MAML2: variants seen among roughly 807,000 people sequenced by gnomAD.
MAML2 encodes the protein mastermind like transcriptional coactivator 2.
MAML2 carries 22 observed loss-of-function variants against 96.1 expected under a neutral mutation model. The ratio of observed to expected loss-of-function variants is 0.23; its 90% CI spans 0.16 to 0.33. MAML2 has a LOEUF of 0.33. Among genes scored for constraint, MAML2 ranks in the 10% least tolerant of loss-of-function variants. The pLI is 1.00. For missense variants in MAML2, 1,367 were observed against 1,392.4 expected, an observed-to-expected ratio of 0.98 and a Z score of 0.29; for synonymous variants, 561 against 521.3, an observed-to-expected ratio of 1.08 and a Z score of -1.04.
intron 1 of MAML2, among the ~76,000 whole-genome samples, chr11:96,182,957 C>CTTTTT (rs11301035): frequency 1.5e-4 from 16 of 108,254 alleles, no homozygotes; most frequent in South Asian, 3.2e-4. Flanking sequence ...CCTTTCTTTT[C>CTTTTT]TTTTTTTTTT....
intron 1 of MAML2, among the ~76,000 whole-genome samples, chr11:96,334,740 G>A (rs1274730710): frequency 2.6e-5 from 4 of 152,186 alleles, no homozygotes; most frequent in African/African-American, 4.8e-5. Context: ...CTCTAAAAAG[G>A]ACCCATGCAT....
At chr11:96,284,312 A>G (rs1203691821) in intron 1 of MAML2, among the ~76,000 whole-genome samples, 1 of 152,196 alleles carries the variant, frequency 6.6e-6, no homozygotes, top group East Asian at 1.9e-4. Context: ...CATATTTTCA[A>G]CCACCCAATA....
chr11:96,087,978 T>C (rs76620742), intron 2 of MAML2, among the ~76,000 whole-genome samples: 3,858 of 152,338 alleles, frequency 0.025, 175 homozygotes, highest in African/African-American at 0.086. Flanking sequence ...GAAAGTTACA[T>C]TGATTTCCCC....
At chr11:96,183,287 A>G (rs1235206080) in intron 1 of MAML2, among the ~76,000 whole-genome samples, 1 of 151,572 alleles carries the variant, frequency 6.6e-6, no homozygotes, top group Non-Finnish European at 1.5e-5. Context: ...CATGTTCTAT[A>G]TTCAGCATAT....
intron 3 of MAML2, among the ~76,000 whole-genome samples, chr11:95,989,891 T>C (rs1857884393): frequency 6.6e-6 from 1 of 152,334 alleles, no homozygotes; most frequent in South Asian, 2.1e-4. Context: ...CCTTTAAAAG[T>C]GTGGTTGTTA....
rs575525169 is a variant in MAML2, at chr11:96,174,427, G to A, written c.514-80910C>T. 1.8e-4 allele frequency among the ~76,000 whole-genome samples: 28 copies of A among 152,028 alleles called. No homozygotes were observed. The South Asian group carries it at 2.9e-3, about 16-fold the overall frequency. Reference sequence around the variant, plus strand: ...GAGATGGAGTATTGCTCTGTCTCCCGGGCTCGAGTGCAATGGCACAGTCTC... The same window carrying A: ...GAGATGGAGTATTGCTCTGTCTCCCAGGCTCGAGTGCAATGGCACAGTCTC... On this transcript the variant is annotated intron_variant, in intron 1 of 4. Coordinates refer to ENST00000524717, the MANE Select transcript of MAML2 (RefSeq NM_032427.4).
intron 1 of MAML2, among the ~76,000 whole-genome samples, chr11:96,305,908 C>G (rs546892106): frequency 8.0e-4 from 122 of 152,214 alleles, no homozygotes; most frequent in Non-Finnish European, 1.3e-3. Flanking sequence ...TATAAACATT[C>G]TGAAAAGTGT....
At chr11:96,071,489 A>G (rs1160792060) in intron 2 of MAML2, among the ~76,000 whole-genome samples, 4 of 152,258 alleles carry the variant, frequency 2.6e-5, no homozygotes, top group Non-Finnish European at 5.9e-5. Context: ...GGCAGCTGCT[A>G]GTATTCAGCA....
At chr11:96,046,055 T>C (rs1858895871) in intron 2 of MAML2, among the ~76,000 whole-genome samples, 2 of 152,186 alleles carry the variant, frequency 1.3e-5, no homozygotes, top group African/African-American at 4.8e-5. Flanking sequence ...TCTCCTTCAC[T>C]TGCCTCCTGC....
chr11:96,232,351 G>T (rs1449358917), intron 1 of MAML2, among the ~76,000 whole-genome samples: 1 of 152,190 alleles, frequency 6.6e-6, no homozygotes. Flanking sequence ...CAGAAATTCC[G>T]AGAGAATAAG....
chr11:96,244,201 C>T (rs1244355236), intron 1 of MAML2, among the ~76,000 whole-genome samples: 1 of 152,214 alleles, frequency 6.6e-6, no homozygotes, highest in African/African-American at 2.4e-5. Flanking sequence ...CAGTGTCTCC[C>T]TGGAGGGTAA....
chr11:96,089,468 CTGTT>C (rs1859670388), intron 2 of MAML2, among the ~76,000 whole-genome samples: 1 of 152,170 alleles, frequency 6.6e-6, no homozygotes, highest in African/African-American at 2.4e-5. Context: ...CCTGACTTGA[CTGTT>C]TGCAAAAATT....
chr11:96,132,131 G>A (rs112573054), intron 1 of MAML2, among the ~76,000 whole-genome samples: 43 of 152,282 alleles, frequency 2.8e-4, no homozygotes, highest in Middle Eastern at 3.4e-3. Flanking sequence ...GTGTGTGCAC[G>A]TACATATTTT....
chr11:96,003,015 T>G (rs1858118190), intron 2 of MAML2, among the ~76,000 whole-genome samples: 1 of 142,254 alleles, frequency 7.0e-6, no homozygotes, highest in South Asian at 2.2e-4. Flanking sequence ...ATGGGGATGA[T>G]GAAGATGATG....
At chr11:96,020,811 G>A (rs1858424653) in intron 2 of MAML2, among the ~76,000 whole-genome samples, 1 of 152,134 alleles carries the variant, frequency 6.6e-6, no homozygotes, top group South Asian at 2.1e-4. Flanking sequence ...GAAAATTTTG[G>A]TCAGAATGAG....
At chr11:96,191,784 A>AAAC (rs1861657899) in intron 1 of MAML2, among the ~76,000 whole-genome samples, 1 of 151,878 alleles carries the variant, frequency 6.6e-6, no homozygotes, top group Non-Finnish European at 1.5e-5. Context: ...AAAAAAAAAA[A>AAAC]AACCACAAAA....
chr11:96,020,647 A>T (rs967713396), intron 2 of MAML2, among the ~76,000 whole-genome samples: 1 of 152,208 alleles, frequency 6.6e-6, no homozygotes, highest in Non-Finnish European at 1.5e-5. Flanking sequence ...AGGTGACTGA[A>T]GCTTCATGGA....
In MAML2 at chr11:95,979,772, C is replaced by T. The variant is rs779334382; in HGVS notation, c.2647G>A (p.Val883Ile). The change falls in exon 5 of 5, where the codon GTC becomes ATC. Residue 883 changes from valine (V) to isoleucine (I), a missense_variant. Transcript: ENST00000524717. The part of the protein sequence containing the change: ...LPCNQPNTYS[V>I]TSGMNQLTQQ... ...GTCAATTGATTCATTCCTGAAGTGA[C>T]ACTGTATGTGTTAGGTTGATTACAA... The T allele has an allele frequency of 1.2e-6, 2 of 1,613,818 alleles. No individual in the cohort carries two copies. The highest frequency in any genetic ancestry group is 2.7e-5 in the African/African-American group (2 of 74,898).
chr11:96,094,109 C>T (rs941668568), intron 1 of MAML2, among the ~76,000 whole-genome samples: 3 of 152,162 alleles, frequency 2.0e-5, no homozygotes, highest in Non-Finnish European at 4.4e-5. Context: ...TCCTATAATT[C>T]CACTGCTTTG....
Sources: gnomAD v4.1 joint callset for allele counts (sites outside exome capture counted in the v4.1 genomes callset) on GRCh38, gnomAD v4.1.1 for gene constraint, MANE v1.5 for transcripts, NCBI Gene and HGNC (gene_info 2026-07-23, HGNC 2026-07-21) for gene names.